The following PPEF1 variants were observed in gnomAD, a reference collection of about 807,000 sequenced individuals.
The protein encoded by PPEF1 is protein phosphatase with EF-hand domain 1, also known as serine/threonine-protein phosphatase with EF-hands 1.
Under a neutral mutation model 53.3 loss-of-function variants are expected in PPEF1, and 12 were observed. The observed-to-expected ratio is 0.23, with a 90% CI of 0.14 to 0.36. PPEF1 has a LOEUF of 0.36. Ranked by LOEUF, PPEF1 falls within the 10% of genes least tolerant of loss-of-function variation. The pLI, the probability that PPEF1 is intolerant of heterozygous loss-of-function variation, is 1.00. For synonymous variants in PPEF1, 165 were observed against 176.7 expected (o/e 0.93, Z 0.52); for missense variants, 334 against 490.4 (o/e 0.68, Z 3.01).
intron 4 of PPEF1, among the ~76,000 whole-genome samples, chrX:18,755,866 C>T (rs1336990945): frequency 9.0e-6 from 1 of 111,280 alleles, no homozygotes; most frequent in Non-Finnish European, 1.9e-5. Context: ...TCCGTGGTAG[C>T]ATGGATCAGT....
intron 6 of PPEF1, among the ~76,000 whole-genome samples, chrX:18,768,405 G>A (rs1725850112): frequency 8.9e-6 from 1 of 112,323 alleles, no homozygotes; most frequent in South Asian, 3.7e-4. Flanking sequence ...AGCATAGCAT[G>A]AATAGGCTCC....
chrX:18,810,202 ACTT>A (rs1218616205), intron 12 of PPEF1, among the ~76,000 whole-genome samples: 2 of 109,268 alleles, frequency 1.8e-5, no homozygotes, highest in Non-Finnish European at 3.8e-5. Context: ...TTTAATAGCT[ACTT>A]CAGAAGGGTT....
intron 3 of PPEF1, among the ~76,000 whole-genome samples, chrX:18,687,208 C>T (rs964332040): frequency 1.8e-5 from 2 of 111,264 alleles, no homozygotes; most frequent in African/African-American, 3.3e-5. Flanking sequence ...CATGACTACC[C>T]ATAGTTGCAA....
chrX:18,757,569 A>T (rs1481236516), intron 4 of PPEF1, 58 bp from the exon 5 acceptor site: 2 of 907,338 alleles, frequency 2.2e-6, no homozygotes, highest in East Asian at 3.1e-5. Context: ...AGTTTTCTAT[A>T]CAGTCATGTC....
chrX:18,740,381 C>T (rs909986456), intron 3 of PPEF1, among the ~76,000 whole-genome samples: 13 of 107,931 alleles, frequency 1.2e-4, no homozygotes, highest in African/African-American at 4.0e-4. Flanking sequence ...CAGTTGGCCC[C>T]GTTGTGTCTG....
At chrX:18,710,506 T>A (rs1427246634) in intron 1 of PPEF1, among the ~76,000 whole-genome samples, 1 of 111,583 alleles carries the variant, frequency 9.0e-6, no homozygotes, top group East Asian at 2.8e-4. Context: ...CATTAAAAAG[T>A]GGGCAAAGGT....
chrX:18,768,182 T>C (rs1021115854), intron 6 of PPEF1, among the ~76,000 whole-genome samples: 3 of 112,027 alleles, frequency 2.7e-5, no homozygotes, highest in African/African-American at 9.7e-5. Context: ...CAATAGATCT[T>C]GAATTGTGGG....
intron 1 of PPEF1, among the ~76,000 whole-genome samples, chrX:18,723,462 T>C (rs762543372): frequency 1.8e-5 from 2 of 111,993 alleles, no homozygotes; most frequent in African/African-American, 6.5e-5. Context: ...AATATATTAC[T>C]AATACCTATG....
At chrX:18,809,659 T>C (rs2046764184) in intron 12 of PPEF1, among the ~76,000 whole-genome samples, 1 of 107,035 alleles carries the variant, frequency 9.3e-6, no homozygotes, top group Admixed American at 1.0e-4. Context: ...GGGCCAAGAC[T>C]GCACCACTGC....
At chrX:18,808,029 C>T (rs758433191) in intron 12 of PPEF1, among the ~76,000 whole-genome samples, 17 of 99,264 alleles carry the variant, frequency 1.7e-4, no homozygotes, top group Non-Finnish European at 2.8e-4. Flanking sequence ...TGCAGTGGTG[C>T]GATCTCAGCT....
rs755408497 is a variant in PPEF1 at position 18,826,816 on chromosome X, GA to G, written c.1751-446del. Reference sequence around the variant, plus strand: ...CCTAATGCAGAGACCTTTGAACACCGAAAAAAAAAAAAAATCAATGATCAAC... The same window carrying G: ...CCTAATGCAGAGACCTTTGAACACCGAAAAAAAAAAAAATCAATGATCAAC... On this transcript the variant is annotated intron_variant, in intron 15 of 15. Transcript: ENST00000470157. Among the ~76,000 whole-genome samples, 267 of 94,342 alleles carry G rather than the reference GA, an allele frequency of 2.8e-3. 2 individuals are homozygous for G. The highest frequency in any genetic ancestry group is 7.1e-3 in the South Asian group (15 of 2,114). The allele number at this position is 94,342 out of a possible 115,157, so 81.9% of individuals were successfully genotyped here. A position where few individuals can be genotyped will look rare whatever the true frequency, so the allele number is the denominator to read the frequency against.
intron 12 of PPEF1, among the ~76,000 whole-genome samples, chrX:18,813,950 G>A (rs1045958051): frequency 9.0e-6 from 1 of 111,313 alleles, no homozygotes; most frequent in Non-Finnish European, 1.9e-5. Context: ...CCCAGGTAGT[G>A]AGCATAATAC....
intron 13 of PPEF1, among the ~76,000 whole-genome samples, chrX:18,821,213 A>G (rs12854284): frequency 2.4e-5 from 2 of 84,705 alleles, no homozygotes; most frequent in Non-Finnish European, 4.8e-5. Flanking sequence ...AGAGAGCGAG[A>G]CTCTGTCTCA....
At chrX:18,705,923 C>T (rs1484841399), upstream of PPEF1, among the ~76,000 whole-genome samples, 1 of 110,623 alleles carries the variant, frequency 9.0e-6, no homozygotes, top group African/African-American at 3.3e-5. Context: ...TGGTGTAGTA[C>T]CAATGGAAAG....
Position 18,746,501 on chromosome X carries a change from C to A in PPEF1, c.236-3291C>A, listed in dbSNP as rs764037795. Among the ~76,000 whole-genome samples the A allele has an allele frequency of 2.7e-5, 3 of 110,982 alleles. No individual in the cohort carries two copies. The East Asian group carries it at 8.5e-4, about 32-fold the overall frequency. On this transcript the variant is annotated intron_variant, in intron 3 of 15. Transcript: ENST00000470157. ...ATGGTCATCAGATCTATGGAAGGGA[C>A]GGTAGACCAAGCTTCTCTTTTTTTT...
chrX:18,816,485 A>G (rs2046918312), intron 12 of PPEF1, among the ~76,000 whole-genome samples: 1 of 111,965 alleles, frequency 8.9e-6, no homozygotes, highest in Non-Finnish European at 1.9e-5. Context: ...TTCCACATGT[A>G]CTATAGAAGA....
chrX:18,750,852 T>G (rs185017224), intron 4 of PPEF1, among the ~76,000 whole-genome samples: 5 of 108,598 alleles, frequency 4.6e-5, no homozygotes, highest in East Asian at 2.9e-4. Flanking sequence ...TGTTATTTTG[T>G]TTTTTTTTTT....
chrX:18,805,468 T>C (rs2046639710), intron 11 of PPEF1, among the ~76,000 whole-genome samples: 1 of 111,825 alleles, frequency 8.9e-6, no homozygotes, highest in African/African-American at 3.2e-5. Flanking sequence ...AGAAAATAGA[T>C]AGAAAACATC....
intron 1 of PPEF1, among the ~76,000 whole-genome samples, chrX:18,729,014 A>T (rs2044773255): frequency 8.9e-6 from 1 of 112,221 alleles, no homozygotes; most frequent in African/African-American, 3.2e-5. Flanking sequence ...CTTCAATATG[A>T]TGAAACTACA....
Sources: allele counts gnomAD v4.1 joint callset (sites outside exome capture counted in the v4.1 genomes callset), GRCh38; gene constraint gnomAD v4.1.1; transcripts MANE v1.5; gene names NCBI Gene and HGNC (gene_info 2026-07-23, HGNC 2026-07-21).